The following CHST9 variants were observed in gnomAD, a reference collection of about 807,000 sequenced individuals.
The protein encoded by CHST9 is GalNAc-4-sulfotransferase 2.
In CHST9, 41 loss-of-function variants were observed where a neutral mutation model predicts 44.4. The observed-to-expected ratio is 0.92, with a 90% CI of 0.72 to 1.20. CHST9 has a LOEUF of 1.20. Ranked by LOEUF, CHST9 falls within the 50% of genes most tolerant of loss-of-function variation. The probability of loss-of-function intolerance (pLI) is 0.00; values close to 1 mark genes in which losing one functional copy is unlikely to be tolerated. For synonymous variants in CHST9, 171 were observed against 178.4 expected (o/e 0.96, Z 0.33); for missense variants, 504 against 516.5 (o/e 0.98, Z 0.23).
At chr18:27,006,938 C>T (rs1001448050) in intron 4 of CHST9, among the ~76,000 whole-genome samples, 1 of 152,076 alleles carries the variant, frequency 6.6e-6, no homozygotes, top group African/African-American at 2.4e-5. Context: ...ATTATGCTTT[C>T]CGTATTCCAG....
At chr18:27,034,160 A>G (rs73402887) in intron 3 of CHST9, among the ~76,000 whole-genome samples, 1,654 of 152,240 alleles carry the variant, frequency 0.011, 32 homozygotes, top group African/African-American at 0.038. Context: ...CAGCCCCCCA[A>G]ATGGATCCTC....
At chr18:27,156,953 A>G (rs1314442828) in intron 1 of CHST9, among the ~76,000 whole-genome samples, 2 of 152,130 alleles carry the variant, frequency 1.3e-5, no homozygotes, top group African/African-American at 2.4e-5. Context: ...ATGGTGAGAT[A>G]ATAAAATGTA....
intron 3 of CHST9, among the ~76,000 whole-genome samples, chr18:27,046,931 C>T (rs1269097843): frequency 6.6e-6 from 1 of 152,040 alleles, no homozygotes; most frequent in Non-Finnish European, 1.5e-5. Flanking sequence ...CCCTGGTGAC[C>T]TGTGTTCCCT....
At chr18:27,074,479 A>G (rs2057877622) in intron 2 of CHST9, among the ~76,000 whole-genome samples, 1 of 152,200 alleles carries the variant, frequency 6.6e-6, no homozygotes, top group East Asian at 1.9e-4. Context: ...GTGTGTTTAT[A>G]GAGTTAAATA....
intron 5 of CHST9, among the ~76,000 whole-genome samples, chr18:26,940,353 G>A (rs181022085): frequency 1.3e-3 from 203 of 152,294 alleles, no homozygotes; most frequent in African/African-American, 4.7e-3. Flanking sequence ...GACCCAGAAT[G>A]TCTTGGGGTT....
chr18:26,975,694 T>A (rs1263883565), intron 4 of CHST9, among the ~76,000 whole-genome samples: 3 of 117,586 alleles, frequency 2.6e-5, no homozygotes, highest in African/African-American at 9.4e-5. Flanking sequence ...TGTGTGTGTA[T>A]ATATATGTGT....
Position 26,908,406 on chromosome 18 carries a change from A to T in CHST9, c.*7853T>A, listed in dbSNP as rs892725624. 4 of 148,514 alleles carry T rather than the reference A, an allele frequency of 2.7e-5. No homozygotes were observed. The highest frequency in any genetic ancestry group is 1.0e-4 in the African/African-American group (4 of 40,070). 9.2% of individuals were successfully genotyped at this position (148,514 alleles called of 1,614,324 possible). On this transcript the variant is annotated 3_prime_UTR_variant, in exon 6 of 6. Transcript: ENST00000618847. Reference sequence around the variant, plus strand: ...CACTGCAGCCTGGGCGACAAGAGTGAAACTCTGTCTCAAAAAAAAAAATAG... The same window carrying T: ...CACTGCAGCCTGGGCGACAAGAGTGTAACTCTGTCTCAAAAAAAAAAATAG...
intron 2 of CHST9, among the ~76,000 whole-genome samples, chr18:27,066,036 G>T (rs1417981152): frequency 6.6e-6 from 1 of 152,164 alleles, no homozygotes; most frequent in Non-Finnish European, 1.5e-5. Context: ...AGTAAAGGTG[G>T]CATGTAGAGG....
chr18:27,050,685 T>G (rs923191775), intron 2 of CHST9, among the ~76,000 whole-genome samples: 32 of 152,168 alleles, frequency 2.1e-4, no homozygotes, highest in Non-Finnish European at 2.9e-5. Context: ...TTCCAACAGA[T>G]AAATAGCATG....
At chr18:27,145,010 G>A (rs78589067) in intron 1 of CHST9, among the ~76,000 whole-genome samples, 1,772 of 151,860 alleles carry the variant, frequency 0.012, 29 homozygotes, top group African/African-American at 0.037. Flanking sequence ...TAAAAAACCA[G>A]TTCTCAAACA....
At chr18:27,130,443 CAA>C (rs1231706919) in intron 2 of CHST9, among the ~76,000 whole-genome samples, 1 of 151,846 alleles carries the variant, frequency 6.6e-6, no homozygotes, top group Non-Finnish European at 1.5e-5. Flanking sequence ...TCAGTGTATC[CAA>C]AAAAATAGTT....
At chr18:26,939,833 G>A (rs978487284) in intron 5 of CHST9, among the ~76,000 whole-genome samples, 3 of 152,096 alleles carry the variant, frequency 2.0e-5, no homozygotes, top group African/African-American at 7.2e-5. Flanking sequence ...CAGGTCTTCT[G>A]GTTACTGAAG....
At chr18:27,004,486 G>T (rs1246488731) in intron 4 of CHST9, among the ~76,000 whole-genome samples, 2 of 151,912 alleles carry the variant, frequency 1.3e-5, no homozygotes, top group East Asian at 1.9e-4. Context: ...AACCCATTTG[G>T]CACCTAACAA....
At chr18:27,136,512 G>A (rs2143850632) in intron 2 of CHST9, among the ~76,000 whole-genome samples, 1 of 152,296 alleles carries the variant, frequency 6.6e-6, no homozygotes, top group Admixed American at 6.5e-5. Context: ...CTTAGTTGGA[G>A]TCCTAGAATG....
Position 27,113,852 on chromosome 18 carries a change from C to G in CHST9, c.121+28837G>C, listed in dbSNP as rs530141510. Among the ~76,000 whole-genome samples the G allele has an allele frequency of 3.3e-5, 5 of 152,196 alleles. No homozygotes were observed. The South Asian group carries it at 1.0e-3, about 32-fold the overall frequency. On this transcript the variant is annotated intron_variant, in intron 2 of 5. Coordinates refer to ENST00000618847, the MANE Select transcript of CHST9 (RefSeq NM_031422.6). ...TAAACCAACTTGAGGTACTTAAATT[C>G]AAATTTAGTTTAATATAGCTAATGA...
chr18:26,951,832 A>C (rs1024772282), intron 4 of CHST9, among the ~76,000 whole-genome samples: 2 of 152,176 alleles, frequency 1.3e-5, no homozygotes, highest in African/African-American at 4.8e-5. Flanking sequence ...AAATCTCAAG[A>C]GCAGAGACTT....
intron 1 of CHST9, among the ~76,000 whole-genome samples, chr18:27,177,923 G>A (rs2058881413): frequency 6.6e-6 from 1 of 151,912 alleles, no homozygotes; most frequent in African/African-American, 2.4e-5. Context: ...ATAGATCTTT[G>A]TGCTGTTCAA....
At chr18:26,948,671 G>T (rs335928) in intron 4 of CHST9, among the ~76,000 whole-genome samples, 69,450 of 152,010 alleles carry the variant, frequency 0.46, 16,342 homozygotes, top group African/African-American at 0.53. Context: ...CAATTACTAG[G>T]TGTTTGAACT....
intron 2 of CHST9, among the ~76,000 whole-genome samples, chr18:27,137,045 T>C (rs541417334): frequency 6.6e-6 from 1 of 152,256 alleles, no homozygotes; most frequent in South Asian, 2.1e-4. Context: ...TGAGTATTTC[T>C]AACACAAGTT....
Sources: allele counts gnomAD v4.1 joint callset (sites outside exome capture counted in the v4.1 genomes callset), GRCh38; gene constraint gnomAD v4.1.1; transcripts MANE v1.5; gene names NCBI Gene and HGNC (gene_info 2026-07-23, HGNC 2026-07-21).